SAMSN1: variants seen among roughly 807,000 people sequenced by gnomAD.
The protein encoded by SAMSN1 is SAM domain, SH3 domain and nuclear localization signals 1.
A neutral mutation model predicts 42.0 loss-of-function variants in SAMSN1; 31 were observed. The observed-to-expected ratio is 0.74, with a 90% CI of 0.55 to 1.00. The LOEUF (loss-of-function observed/expected upper bound fraction) is 1.00. SAMSN1 is among the 50% of genes least tolerant of loss of function. The pLI is 0.00. For synonymous variants in SAMSN1, 178 were observed against 151.9 expected (o/e 1.17, Z -1.26); for missense variants, 464 against 439.4 (o/e 1.06, Z -0.50).
chr21:14,520,680 G>A (rs997377353), intron 2 of SAMSN1, among the ~76,000 whole-genome samples: 1 of 152,146 alleles, frequency 6.6e-6, no homozygotes, highest in Admixed American at 6.5e-5. Context: ...GATCCTGGAT[G>A]AAGCCCACCC....
chr21:14,486,856 C>T (rs1426146404), intron 7 of SAMSN1, among the ~76,000 whole-genome samples: 1 of 152,112 alleles, frequency 6.6e-6, no homozygotes, highest in Non-Finnish European at 1.5e-5. Flanking sequence ...GTTCTATATT[C>T]AACAGGCATT....
intron 6 of SAMSN1, among the ~76,000 whole-genome samples, chr21:14,601,197 C>T (rs561969422): frequency 6.6e-5 from 10 of 152,216 alleles, no homozygotes; most frequent in African/African-American, 1.9e-4. Context: ...ACTACAAGGG[C>T]AATGTGTTAT....
At chr21:14,656,072 G>A (rs926088543) in intron 1 of SAMSN1, among the ~76,000 whole-genome samples, 1 of 151,744 alleles carries the variant, frequency 6.6e-6, no homozygotes, top group Non-Finnish European at 1.5e-5. Flanking sequence ...TGAAAGAATT[G>A]AATAAAGAGT....
chr21:14,520,068 A>T (rs1006577671), intron 2 of SAMSN1, among the ~76,000 whole-genome samples: 7 of 152,242 alleles, frequency 4.6e-5, no homozygotes, highest in Non-Finnish European at 1.0e-4. Flanking sequence ...ATAAATAGGT[A>T]AATTGTTATA....
upstream of SAMSN1, among the ~76,000 whole-genome samples, chr21:14,585,040 G>T (rs1441156684): frequency 6.6e-6 from 1 of 151,916 alleles, no homozygotes; most frequent in Non-Finnish European, 1.5e-5. Context: ...CTACCTTTTT[G>T]CATTAAATAA....
At chr21:14,519,862 G>T (rs912620800) in intron 2 of SAMSN1, among the ~76,000 whole-genome samples, 1 of 152,024 alleles carries the variant, frequency 6.6e-6, no homozygotes, top group Admixed American at 6.6e-5. Context: ...TTTATTAGTT[G>T]TTGTTGTACC....
chr21:14,548,610 T>A (rs3810580), upstream of SAMSN1, among the ~76,000 whole-genome samples: 96,060 of 151,880 alleles, frequency 0.63, 33,062 homozygotes, highest in African/African-American at 0.9. Context: ...TGGAAAAGGA[T>A]TTTTCCAATC....
intron 5 of SAMSN1, among the ~76,000 whole-genome samples, chr21:14,605,521 A>T (rs1448159000): frequency 6.6e-6 from 1 of 152,230 alleles, no homozygotes; most frequent in East Asian, 1.9e-4. Context: ...TGGTGAATAT[A>T]TTTGTGAATT....
intron 1 of SAMSN1, among the ~76,000 whole-genome samples, chr21:14,523,787 C>A (rs1461827222): frequency 6.6e-6 from 1 of 152,148 alleles, no homozygotes; most frequent in African/African-American, 2.4e-5. Context: ...AGACTCGTTT[C>A]AGCATTTTGC....
intron 7 of SAMSN1, among the ~76,000 whole-genome samples, chr21:14,493,178 C>A (rs1285725749): frequency 1.3e-5 from 2 of 152,208 alleles, no homozygotes; most frequent in African/African-American, 4.8e-5. Flanking sequence ...GCTGCTGTGA[C>A]CACAGCTGGT....
intron 2 of SAMSN1, among the ~76,000 whole-genome samples, chr21:14,630,268 C>T (rs1983295757): frequency 1.3e-5 from 2 of 152,118 alleles, no homozygotes; most frequent in South Asian, 2.1e-4. Context: ...TTTAAAATCC[C>T]TTTCTGTAGA....
At chr21:14,610,357 G>T (rs1272520135) in intron 4 of SAMSN1, among the ~76,000 whole-genome samples, 3 of 152,174 alleles carry the variant, frequency 2.0e-5, no homozygotes, top group Admixed American at 6.5e-5. Context: ...CCCCAGGCTT[G>T]CTAGGATTAG....
At chr21:14,624,145 A>G (rs1292779476) in intron 2 of SAMSN1, among the ~76,000 whole-genome samples, 5 of 152,238 alleles carry the variant, frequency 3.3e-5, no homozygotes, top group Admixed American at 3.3e-4. Flanking sequence ...AGGGAAATTT[A>G]TAGCACTAAA....
At chr21:14,616,390 T>C (rs1347185137) in intron 2 of SAMSN1, among the ~76,000 whole-genome samples, 1 of 152,060 alleles carries the variant, frequency 6.6e-6, no homozygotes, top group Non-Finnish European at 1.5e-5. Context: ...CCTCCATCAA[T>C]CCACCAAAAC....
rs982297708 is a variant in SAMSN1, at chr21:14,652,046, T to A, written c.24+6702A>T. Reference sequence around the variant, plus strand: ...ATATTTAATGAAAAATAGTTTATGTTCACAGATTTATTGAAAAATAATATA... The same window carrying A: ...ATATTTAATGAAAAATAGTTTATGTACACAGATTTATTGAAAAATAATATA... On this transcript the variant is annotated intron_variant, in intron 1 of 15. Coordinates refer to the SAMSN1 transcript ENST00000647101. 2.0e-5 allele frequency among the ~76,000 whole-genome samples: 3 copies of A among 151,714 alleles called. No individual in the cohort carries two copies. In the Admixed American group the frequency reaches 2.0e-4, roughly 10 times the overall value.
intron 2 of SAMSN1, among the ~76,000 whole-genome samples, chr21:14,633,723 G>A (rs1183659643): frequency 2.0e-5 from 3 of 152,100 alleles, no homozygotes; most frequent in African/African-American, 4.8e-5. Context: ...TCCTTCAGCC[G>A]AGACTCCCTA....
chr21:14,500,649 G>A lies in SAMSN1; in HGVS notation c.648C>T (p.Phe216=), dbSNP rs770868418. 1.9e-6 allele frequency: 3 copies of A among 1,614,026 alleles called. No individual in the cohort carries two copies. Among genetic ancestry groups the A allele is most frequent in the South Asian group, 1.1e-5 (1 of 91,078 alleles). The change falls in exon 6 of 8, where the codon TTC becomes TTT. Residue 216 remains phenylalanine, a synonymous_variant. Transcript: ENST00000400566. ...MLNNKVGNFK[F]IYVDVISEEE... ...CTTCTGAGATGACATCCACATAAAT[G>A]AATTTGAAGTTTCCCACTTTATTGT...
chr21:14,610,376 A>G (rs1982672564), intron 4 of SAMSN1, among the ~76,000 whole-genome samples: 1 of 152,166 alleles, frequency 6.6e-6, no homozygotes, highest in Non-Finnish European at 1.5e-5. Context: ...AGGAAATTCC[A>G]GCCTGGTGAA....
At chr21:14,510,181 C>A (rs1340053227) in intron 5 of SAMSN1, 129 bp downstream of exon 5, 10 of 861,018 alleles carry the variant, frequency 1.2e-5, no homozygotes, top group Non-Finnish European at 1.9e-5. Context: ...GTACTGTAAG[C>A]TAGCCTCCAC....
Sources: allele counts gnomAD v4.1 joint callset (sites outside exome capture counted in the v4.1 genomes callset), GRCh38; gene constraint gnomAD v4.1.1; transcripts MANE v1.5; gene names NCBI Gene and HGNC (gene_info 2026-07-23, HGNC 2026-07-21).